Variants in FBN1 observed in about 807,000 individuals in gnomAD.
FBN1 encodes fibrillin-1.
A neutral mutation model predicts 365.1 loss-of-function variants in FBN1; 29 were observed. The observed-to-expected ratio is 0.08, with a 90% confidence interval of 0.06 to 0.11. FBN1 has a LOEUF of 0.11. FBN1 is among the 10% of genes least tolerant of loss of function. The probability of loss-of-function intolerance (pLI) is 1.00; values close to 1 mark genes in which losing one functional copy is unlikely to be tolerated. For missense variants in FBN1, 2,476 were observed against 3,703.2 expected, an observed-to-expected ratio of 0.67 and a Z score of 8.60; for synonymous variants, 1,210 against 1,270.5, an observed-to-expected ratio of 0.95 and a Z score of 1.01.
At chr15:48,481,417 T>C (rs1208537505) in intron 32 of FBN1, among the ~76,000 whole-genome samples, 1 of 152,216 alleles carries the variant, frequency 6.6e-6, no homozygotes, top group African/African-American at 2.4e-5. Context: ...ATTTACAGTG[T>C]TAATTTATTC....
In FBN1 at chr15:48,510,216, T is replaced by C. The variant is rs759648678; in HGVS notation, c.1589-47A>G. 5.0e-6 allele frequency: 8 copies of C among 1,597,194 alleles called. No homozygotes were observed. In the African/African-American group the frequency reaches 9.4e-5, roughly 19 times the overall value. ...AAGAAATAGCTTTATTTAGGGGAGT[T>C]AAAATTATTTTATTTCCCCCTCCCT... is the stretch of plus-strand genomic sequence containing the variant. On this transcript the variant is annotated intron_variant, in intron 13 of 65. Coordinates refer to ENST00000316623, the MANE Select transcript of FBN1 (RefSeq NM_000138.5).
Position 48,468,036 on chromosome 15 carries a change from C to T in FBN1, c.4649G>A (p.Ser1550Asn). The T allele has an allele frequency of 1.2e-6, 2 of 1,614,180 alleles. No individual in the cohort carries two copies. The highest frequency in any genetic ancestry group is 1.7e-6 in the Non-Finnish European group (2 of 1,180,026). Residue 1550 changes from serine (S) to asparagine (N), a missense_variant, in exon 38 of 66, where the codon AGC (serine) becomes AAC (asparagine). Transcript: ENST00000316623. Reference protein sequence around the residue: ...PRGDNGDTACSNEIGVGVSKA... With the variant: ...PRGDNGDTACNNEIGVGVSKA... Reference sequence around the variant, plus strand: ...GGAAACACCAACTCCAATTTCATTGCTGCAGGCTGTATCTCCATTGTCTCC... The same window carrying T: ...GGAAACACCAACTCCAATTTCATTGTTGCAGGCTGTATCTCCATTGTCTCC...
intron 7 of FBN1, among the ~76,000 whole-genome samples, chr15:48,536,796 T>G (rs1054988808): frequency 6.6e-6 from 1 of 152,204 alleles, no homozygotes; most frequent in Non-Finnish European, 1.5e-5. Flanking sequence ...ACCCTTAGAA[T>G]TAACATACAA....
chr15:48,428,621 C>A, intron 56 of FBN1, 150 bp from the exon 57 acceptor site: 1 of 821,534 alleles, frequency 1.2e-6, no homozygotes, highest in Admixed American at 2.0e-5. Context: ...CCCTCCCTCT[C>A]ACCTTCCTTC....
chr15:48,410,732 A>G lies in FBN1; in HGVS notation c.*258T>C. On this transcript the variant is annotated 3_prime_UTR_variant, in exon 66 of 66. Transcript: ENST00000316623. ...TAAATGGCCAACCCCCAATGGAAAT[A>G]CACGTCCCAGTTTTCAAGAATCAAC... The G allele has an allele frequency of 2.2e-6, 1 of 461,368 alleles. No homozygotes were observed. The allele number at this position is 461,368 out of a possible 1,614,324, so 28.6% of individuals were successfully genotyped here.
intron 44 of FBN1, among the ~76,000 whole-genome samples, chr15:48,454,938 G>C (rs1394716090): frequency 6.6e-6 from 1 of 152,200 alleles, no homozygotes; most frequent in Non-Finnish European, 1.5e-5. Context: ...AACACAGGGG[G>C]CAGATTGCGC....
chr15:48,641,290 T>G (rs1890192219), intron 2 of FBN1: 3 of 140,662 alleles, frequency 2.1e-5, no homozygotes, highest in African/African-American at 2.9e-5. Context: ...TGCTGCCCAG[T>G]GGGGAGAGAA....
rs58125518 is a variant in FBN1, at chr15:48,575,802, TACACACACAC to T, written c.538+20471_538+20480del. ...AGGGCTGGATAAAGAAAATGTGAGA[TACACACACAC>T]ACACACACACACACACACACACACA... is the stretch of plus-strand genomic sequence containing the variant. On this transcript the variant is annotated intron_variant, in intron 6 of 65. Coordinates refer to ENST00000316623, the MANE Select transcript of FBN1 (RefSeq NM_000138.5). 3.5e-3 allele frequency among the ~76,000 whole-genome samples: 493 copies of T among 140,218 alleles called. 3 individuals carry two copies. The highest frequency in any genetic ancestry group is 0.029 in the East Asian group (140 of 4,774). The allele number at this position is 140,218 out of a possible 152,430, so 92.0% of individuals were successfully genotyped here. A position where few individuals can be genotyped will look rare whatever the true frequency, so the allele number is the denominator to read the frequency against.
intron 63 of FBN1, among the ~76,000 whole-genome samples, chr15:48,418,098 G>C (rs1406572325): frequency 6.6e-6 from 1 of 152,228 alleles, no homozygotes; most frequent in African/African-American, 2.4e-5. Context: ...TGAGAAATTA[G>C]AGGGAGGAGA....
chr15:48,571,215 G>A (rs556785236), intron 6 of FBN1, among the ~76,000 whole-genome samples: 16 of 152,304 alleles, frequency 1.1e-4, no homozygotes, highest in Non-Finnish European at 7.4e-5. Flanking sequence ...TACAAAATGT[G>A]AAATGAATCT....
At chr15:48,413,838 A>G (rs781010641) in intron 64 of FBN1, among the ~76,000 whole-genome samples, 2 of 152,232 alleles carry the variant, frequency 1.3e-5, no homozygotes, top group African/African-American at 2.4e-5. Context: ...AATGAACAGA[A>G]TATCTGTTGT....
rs148116316 is a variant in FBN1, at chr15:48,428,328, G to A, written c.6997+18C>T. The A allele has an allele frequency of 1.3e-4, 213 of 1,613,674 alleles. No individual in the cohort carries two copies. The African/African-American group carries it at 1.8e-3, about 13-fold the overall frequency. ...GTGGAGGCTGAGGTTAGGAAAGTGC[G>A]GTGCCAACTGTACTCACCAAGGCAC... On this transcript the variant is annotated intron_variant, in intron 57 of 65. Coordinates refer to ENST00000316623, the MANE Select transcript of FBN1 (RefSeq NM_000138.5).
At position 48,490,028 on chromosome 15, in the gene FBN1, G is replaced by A. The variant is rs376776832; in HGVS notation, c.2905C>T (p.Leu969=). 5.0e-6 allele frequency: 8 copies of A among 1,614,134 alleles called. No individual in the cohort carries two copies. In the African/African-American group the frequency reaches 5.3e-5, roughly 11 times the overall value. ...FLRYEDEECT[L]PIAGRHRMDA... The stretch of plus-strand genomic sequence containing the variant: ...ATGCGGTGGCGGCCAGCAATAGGCA[G>A]GGTGCACTCCTCGTCCTCGTACCTC... Residue 969 remains leucine, a synonymous_variant, in exon 25 of 66, where the codon CTG becomes TTG. Coordinates refer to ENST00000316623, the MANE Select transcript of FBN1 (RefSeq NM_000138.5).
At chr15:48,473,864 T>C (rs886185515) in intron 34 of FBN1, among the ~76,000 whole-genome samples, 2 of 152,168 alleles carry the variant, frequency 1.3e-5, no homozygotes, top group African/African-American at 4.8e-5. Context: ...ATGATTTGTT[T>C]AAACTAATGA....
At chr15:48,526,341 G>C in intron 8 of FBN1, 86 bp from the exon 9 acceptor site, 1 of 1,385,078 alleles carries the variant, frequency 7.2e-7, no homozygotes, top group Non-Finnish European at 1.0e-6. Context: ...GTTAACACTA[G>C]TCAAATCATG....
chr15:48,441,612 T>A, intron 50 of FBN1, 109 bp downstream of exon 50: 2 of 1,386,300 alleles, frequency 1.4e-6, no homozygotes, highest in South Asian at 1.2e-5. Flanking sequence ...GAATGAAAAC[T>A]CTCCATCTTC....
chr15:48,458,035 C>A (rs186163330), intron 43 of FBN1, among the ~76,000 whole-genome samples: 30 of 152,326 alleles, frequency 2.0e-4, no homozygotes, highest in Admixed American at 1.6e-3. Context: ...CTTCCATCAG[C>A]CCCTTGGCTG....
intron 12 of FBN1, 80 bp from the exon 13 acceptor site, chr15:48,513,748 C>T: frequency 6.8e-7 from 1 of 1,478,416 alleles, no homozygotes; most frequent in Non-Finnish European, 9.4e-7. Flanking sequence ...TCCTTTTATA[C>T]ATATAAAACA....
At chr15:48,529,101 T>C (rs2043943733) in intron 8 of FBN1, 2 of 152,252 alleles carry the variant, frequency 1.3e-5, no homozygotes, top group African/African-American at 2.4e-5. Flanking sequence ...TCTCAGTTTC[T>C]ATAAATCAGG....
Sources: gnomAD v4.1 joint callset for allele counts (sites outside exome capture counted in the v4.1 genomes callset) on GRCh38, gnomAD v4.1.1 for gene constraint, MANE v1.5 for transcripts, NCBI Gene and HGNC (gene_info 2026-07-23, HGNC 2026-07-21) for gene names.